PIGN: variants seen among roughly 807,000 people sequenced by gnomAD.
PIGN encodes the protein phosphatidylinositol glycan anchor biosynthesis class N, also known as GPI ethanolamine phosphate transferase 1.
PIGN carries 117 observed loss-of-function variants against 125.4 expected under a neutral mutation model. That is an observed-to-expected ratio of 0.93 (90% CI 0.80 to 1.09). PIGN has a LOEUF of 1.09. Among genes scored for constraint, PIGN ranks in the 50% least tolerant of loss-of-function variants. The pLI, the probability that PIGN is intolerant of heterozygous loss-of-function variation, is 0.00. For synonymous variants in PIGN, 392 were observed against 377.8 expected (o/e 1.04, Z -0.44); for missense variants, 1,075 against 1,094.9 (o/e 0.98, Z 0.26).
chr18:62,183,749 T>A (rs1019479314), intron 1 of PIGN, among the ~76,000 whole-genome samples: 20 of 152,152 alleles, frequency 1.3e-4, no homozygotes, highest in African/African-American at 4.8e-4. Context: ...AATTATCATT[T>A]CAAGGGTAAA....
chr18:62,185,539 T>C lies in PIGN; in HGVS notation c.-236+1305A>G, dbSNP rs1200487138. Among the ~76,000 whole-genome samples the C allele has an allele frequency of 4.6e-5, 7 of 152,248 alleles. No homozygotes were observed. In the East Asian group the frequency reaches 1.3e-3, roughly 29 times the overall value. On this transcript the variant is annotated intron_variant, in intron 1 of 30. Coordinates refer to ENST00000640252, the MANE Select transcript of PIGN (RefSeq NM_176787.5). ...CTACTCTTAACTGTTGGCATACTTT[T>C]ACATGTAAACCAATAACCTGACCTA...
At chr18:62,046,868 A>G (rs1205862366) in intron 30 of PIGN, among the ~76,000 whole-genome samples, 3 of 152,196 alleles carry the variant, frequency 2.0e-5, no homozygotes, top group Non-Finnish European at 4.4e-5. Context: ...AATGTTGGAC[A>G]CTATAAACAA....
intron 10 of PIGN, among the ~76,000 whole-genome samples, chr18:62,144,537 T>C (rs2036249793): frequency 6.6e-6 from 1 of 152,236 alleles, no homozygotes; most frequent in Non-Finnish European, 1.5e-5. Context: ...ACGCTCTTTC[T>C]ATTTTTAGCC....
intron 12 of PIGN, 78 bp from the exon 13 acceptor site, chr18:62,139,153 A>T (rs1174237944): frequency 1.3e-6 from 1 of 790,804 alleles, no homozygotes; most frequent in Admixed American, 2.3e-5. Context: ...CAGACTTAAA[A>T]GCAATAAAGA....
At chr18:62,075,370 TC>T (rs1187330383) in intron 28 of PIGN, 1 of 152,282 alleles carries the variant, frequency 6.6e-6, no homozygotes, top group Non-Finnish European at 1.5e-5. Flanking sequence ...TATAATTTTG[TC>T]ATTTTAAGAG....
chr18:62,184,123 C>T (rs1449509318), intron 1 of PIGN, among the ~76,000 whole-genome samples: 1 of 152,052 alleles, frequency 6.6e-6, no homozygotes, highest in African/African-American at 2.4e-5. Flanking sequence ...TGGATGTTTA[C>T]CACACACTGA....
intron 14 of PIGN, among the ~76,000 whole-genome samples, chr18:62,119,046 T>C (rs1481235054): frequency 6.6e-6 from 1 of 152,038 alleles, no homozygotes; most frequent in Non-Finnish European, 1.5e-5. Flanking sequence ...AGGTTCTAGA[T>C]ACTACAAGGT....
intron 23 of PIGN, among the ~76,000 whole-genome samples, chr18:62,034,489 A>G (rs528558357): frequency 4.6e-5 from 7 of 152,354 alleles, no homozygotes; most frequent in African/African-American, 1.4e-4. Flanking sequence ...AGCCCATGAA[A>G]GCAGACAGGA....
At chr18:62,121,830 C>T (rs1020991922) in intron 14 of PIGN, among the ~76,000 whole-genome samples, 5 of 152,062 alleles carry the variant, frequency 3.3e-5, no homozygotes, top group East Asian at 3.8e-4. Context: ...GCAATAAACA[C>T]GGGAGTGCAG....
intron 27 of PIGN, 80 bp downstream of exon 27, chr18:62,084,451 G>T: frequency 3.5e-6 from 3 of 865,434 alleles, no homozygotes; most frequent in Non-Finnish European, 5.4e-6. Flanking sequence ...TCTTTCCATT[G>T]CTACTTAACT....
intron 20 of PIGN, 25 bp downstream of exon 20, chr18:62,105,518 G>T (rs1365980478): frequency 6.1e-6 from 8 of 1,313,608 alleles, no homozygotes; most frequent in Non-Finnish European, 7.5e-6. Context: ...ATTGAAAATA[G>T]AATAAAATAC....
At chr18:62,077,237 G>T (rs1242693504) in intron 28 of PIGN, among the ~76,000 whole-genome samples, 2 of 152,080 alleles carry the variant, frequency 1.3e-5, no homozygotes, top group Non-Finnish European at 2.9e-5. Flanking sequence ...AATTAGGCAG[G>T]TGTGGTGGCA....
intron 30 of PIGN, chr18:62,069,271 G>A (rs923055314): frequency 2.0e-5 from 3 of 152,210 alleles, no homozygotes; most frequent in Non-Finnish European, 2.9e-5. Context: ...ACAAATGAAT[G>A]CCTGTTCATA....
chr18:62,033,750 C>G (rs2030223481), intron 23 of PIGN, among the ~76,000 whole-genome samples: 1 of 152,154 alleles, frequency 6.6e-6, no homozygotes, highest in Non-Finnish European at 1.5e-5. Context: ...CACATGCTGC[C>G]TTTATTCACC....
chr18:62,039,959 T>G (rs528909), downstream of PIGN, among the ~76,000 whole-genome samples: 1 of 26,654 alleles, frequency 3.8e-5, no homozygotes, highest in African/African-American at 1.7e-4. Context: ...GTGCCGCACA[T>G]CATGTTTAGG....
intron 30 of PIGN, among the ~76,000 whole-genome samples, chr18:62,068,674 T>G (rs2032666720): frequency 6.6e-6 from 1 of 152,180 alleles, no homozygotes; most frequent in Non-Finnish European, 1.5e-5. Context: ...TGAGACTGCA[T>G]GACCTCTCTC....
At chr18:62,084,754 C>T (rs888251126) in intron 26 of PIGN, 148 bp from the exon 27 acceptor site, 7 of 647,138 alleles carry the variant, frequency 1.1e-5, no homozygotes, top group South Asian at 3.8e-5. Flanking sequence ...CTAAAATGAA[C>T]GCAGTAGATC....
chr18:62,046,902 G>A (rs139673945), intron 30 of PIGN, among the ~76,000 whole-genome samples: 3 of 152,286 alleles, frequency 2.0e-5, no homozygotes, highest in Non-Finnish European at 4.4e-5. Context: ...CCAGGTGGTG[G>A]AAAGAGGGCA....
intron 30 of PIGN, among the ~76,000 whole-genome samples, chr18:62,046,567 C>G (rs2030723211): frequency 6.6e-6 from 1 of 150,892 alleles, no homozygotes; most frequent in Admixed American, 6.7e-5. Context: ...CATCCCTCAC[C>G]CCCACATACA....
Sources: allele counts gnomAD v4.1 joint callset (sites outside exome capture counted in the v4.1 genomes callset), GRCh38; gene constraint gnomAD v4.1.1; transcripts MANE v1.5; gene names NCBI Gene and HGNC (gene_info 2026-07-23, HGNC 2026-07-21).